BRF1: variants seen among roughly 807,000 people sequenced by gnomAD.
The protein encoded by BRF1 is transcription factor IIIB 90 kDa subunit.
Under a neutral mutation model 81.7 loss-of-function variants are expected in BRF1, and 59 were observed. The observed-to-expected ratio is 0.72, with a 90% CI of 0.59 to 0.90. The LOEUF (loss-of-function observed/expected upper bound fraction) is 0.90, where lower values mean the gene tolerates loss of function less well. BRF1 is among the 40% of genes least tolerant of loss of function. The pLI, the probability that BRF1 is intolerant of heterozygous loss-of-function variation, is 0.00. For missense variants in BRF1, 1,050 were observed against 936.3 expected (o/e 1.12, Z -1.58); for synonymous variants, 491 against 395.6 (o/e 1.24, Z -2.86).
intron 3 of BRF1, among the ~76,000 whole-genome samples, chr14:105,266,861 C>A (rs1334384193): frequency 2.0e-5 from 3 of 152,044 alleles, no homozygotes; most frequent in Non-Finnish European, 4.4e-5. Context: ...TTGGACAATA[C>A]AGCAAAACCC....
intron 1 of BRF1, among the ~76,000 whole-genome samples, chr14:105,297,456 G>T (rs1161255610): frequency 6.6e-6 from 1 of 151,978 alleles, no homozygotes; most frequent in Non-Finnish European, 1.5e-5. Context: ...TGCAGTCCCA[G>T]CTACTCAGAA....
At chr14:105,249,447 G>C (rs759732279) in intron 5 of BRF1, 1 of 1,613,600 alleles carries the variant, frequency 6.2e-7, no homozygotes, top group African/African-American at 1.3e-5. Flanking sequence ...CATTCCAGAC[G>C]TGGAGCCCGC....
chr14:105,243,474 T>A (rs4067296), intron 5 of BRF1, among the ~76,000 whole-genome samples: 8,173 of 86,506 alleles, frequency 0.094, 525 homozygotes, highest in African/African-American at 0.23. Context: ...AAAATAAAAA[T>A]AAAAAATTAG....
At chr14:105,225,951 C>G in intron 10 of BRF1, 118 bp downstream of exon 10, 1 of 1,103,950 alleles carries the variant, frequency 9.1e-7, no homozygotes, top group Non-Finnish European at 1.3e-6. Context: ...CGGTGGTAAA[C>G]TTACATTCTG....
intron 15 of BRF1, among the ~76,000 whole-genome samples, chr14:105,214,808 G>A (rs369425093): frequency 6.6e-6 from 1 of 152,170 alleles, no homozygotes; most frequent in Non-Finnish European, 1.5e-5. Context: ...ACCCCTCCTT[G>A]ATGGTCCCTC....
At chr14:105,241,492 T>C (rs2054639868) in intron 5 of BRF1, 78 bp from the exon 6 acceptor site, 1 of 1,568,656 alleles carries the variant, frequency 6.4e-7, no homozygotes, top group African/African-American at 1.3e-5. Flanking sequence ...AGCCCAGGGG[T>C]GGGGCAACCT....
intron 3 of BRF1, among the ~76,000 whole-genome samples, chr14:105,268,688 G>C (rs1430773228): frequency 6.6e-6 from 1 of 152,232 alleles, no homozygotes. Context: ...GATACGATAG[G>C]AGGATCCTGG....
chr14:105,283,827 G>A (rs1157505694), intron 2 of BRF1, among the ~76,000 whole-genome samples: 2 of 152,152 alleles, frequency 1.3e-5, no homozygotes, highest in Non-Finnish European at 2.9e-5. Context: ...GAAGTCAGTA[G>A]AAGAAAAAAA....
chr14:105,274,932 T>C (rs2056819072), intron 2 of BRF1, among the ~76,000 whole-genome samples: 1 of 152,208 alleles, frequency 6.6e-6, no homozygotes, highest in Non-Finnish European at 1.5e-5. Flanking sequence ...CACGGCTCGA[T>C]GCAGAGGAAT....
chr14:105,311,823 T>C (rs1318536521), intron 1 of BRF1, among the ~76,000 whole-genome samples: 2 of 152,166 alleles, frequency 1.3e-5, no homozygotes, highest in African/African-American at 2.4e-5. Context: ...CTGCTGTACC[T>C]TTTTTGTGAC....
chr14:105,245,297 G>T (rs2140239653), intron 5 of BRF1, among the ~76,000 whole-genome samples: 1 of 152,318 alleles, frequency 6.6e-6, no homozygotes, highest in South Asian at 2.1e-4. Context: ...GGAGGTGGAG[G>T]TTGCAGTGAG....
chr14:105,226,404 C>A (rs1021730934), intron 8 of BRF1, 114 bp from the exon 9 acceptor site: 149 of 1,503,834 alleles, frequency 9.9e-5, no homozygotes, highest in Non-Finnish European at 1.3e-4. Flanking sequence ...TAGGGGTACG[C>A]AGCGATGGAG....
chr14:105,215,304 C>T (rs1298519291), intron 15 of BRF1, among the ~76,000 whole-genome samples: 2 of 152,052 alleles, frequency 1.3e-5, no homozygotes, highest in African/African-American at 4.8e-5. Flanking sequence ...ACCTGCACAC[C>T]ACAATCTGTA....
At chr14:105,228,723 A>C in intron 7 of BRF1, 97 bp downstream of exon 7, 3 of 1,375,744 alleles carry the variant, frequency 2.2e-6, no homozygotes, top group Non-Finnish European at 3.1e-6. Context: ...GGGGGACGGC[A>C]GGGTCCCGGG....
At chr14:105,216,469 T>C (rs372259150) in intron 15 of BRF1, among the ~76,000 whole-genome samples, 1 of 151,424 alleles carries the variant, frequency 6.6e-6, no homozygotes, top group African/African-American at 2.4e-5. Context: ...AGAGGACCAG[T>C]GCATGGCTGA....
intron 8 of BRF1, 33 bp downstream of exon 8, chr14:105,226,601 C>T (rs1178270043): frequency 1.2e-6 from 2 of 1,611,852 alleles, no homozygotes; most frequent in Non-Finnish European, 1.7e-6. Context: ...GGCTGGCAAG[C>T]CCAGCACAGA....
intron 5 of BRF1, among the ~76,000 whole-genome samples, chr14:105,251,775 A>G (rs761026819): frequency 6.6e-6 from 1 of 152,006 alleles, no homozygotes; most frequent in Non-Finnish European, 1.5e-5. Flanking sequence ...TGCTTGGTAA[A>G]GAAAGGGTAG....
intron 3 of BRF1, among the ~76,000 whole-genome samples, chr14:105,270,879 G>A (rs931990838): frequency 3.3e-5 from 5 of 151,742 alleles, no homozygotes; most frequent in African/African-American, 7.3e-5. Context: ...CTACCAGCTC[G>A]TCATCTCCAG....
In BRF1 at chr14:105,272,788, G is replaced by T. The variant is rs376988257; in HGVS notation, c.372C>A (p.Arg124=). 1.2e-6 allele frequency: 2 copies of T among 1,613,812 alleles called. No homozygotes were observed. The highest frequency in any genetic ancestry group is 1.3e-5 in the African/African-American group (1 of 74,922). ...CAATCACGTGGGCCATCTTCCGGCC[G>T]CGGGTCAGGTGCCTGCTCACGGCCA... ...FKMAVSRHLT[R]GRKMAHVIAA... is the part of the protein sequence containing the mutation. Residue 124 remains arginine, a synonymous_variant, in exon 3 of 18, where the codon CGC becomes CGA. Transcript: ENST00000547530.
Sources: gnomAD v4.1 joint callset for allele counts (sites outside exome capture counted in the v4.1 genomes callset) on GRCh38, gnomAD v4.1.1 for gene constraint, MANE v1.5 for transcripts, NCBI Gene and HGNC (gene_info 2026-07-23, HGNC 2026-07-21) for gene names.